WDPCP: variants seen among roughly 807,000 people sequenced by gnomAD.
The protein encoded by WDPCP is WD repeat containing planar cell polarity effector, also known as WD repeat-containing and planar cell polarity effector protein fritz homolog.
In WDPCP, 71 loss-of-function variants were observed where a neutral mutation model predicts 93.1. That is an observed-to-expected ratio of 0.76 (90% CI 0.63 to 0.93). The LOEUF is 0.93. Ranked by LOEUF, WDPCP falls within the 40% of genes least tolerant of loss-of-function variation. The pLI, the probability that WDPCP is intolerant of heterozygous loss-of-function variation, is 0.00. For missense variants in WDPCP, 844 were observed against 887.4 expected, an observed-to-expected ratio of 0.95 and a Z score of 0.62; for synonymous variants, 315 against 315.0, an observed-to-expected ratio of 1.00 and a Z score of 0.00.
intron 13 of WDPCP, among the ~76,000 whole-genome samples, chr2:63,269,722 T>A (rs770265616): frequency 6.6e-6 from 1 of 152,188 alleles, no homozygotes; most frequent in African/African-American, 2.4e-5. Context: ...AACAAAGACA[T>A]GCAACAGCTT....
chr2:63,250,977 C>T (rs1213211365), intron 14 of WDPCP, among the ~76,000 whole-genome samples: 2 of 152,044 alleles, frequency 1.3e-5, no homozygotes, highest in Admixed American at 6.6e-5. Flanking sequence ...CAAAAAAGAT[C>T]TCTCCAAAGT....
intron 9 of WDPCP, among the ~76,000 whole-genome samples, chr2:63,423,462 T>A (rs1696025095): frequency 6.6e-6 from 1 of 152,208 alleles, no homozygotes; most frequent in Non-Finnish European, 1.5e-5. Context: ...TTTTTCTTCT[T>A]ATGGGAAAAT....
At chr2:63,834,800 C>T in the WDPCP span, among the ~76,000 whole-genome samples, 2 of 152,222 alleles carry the variant, frequency 1.3e-5, no homozygotes, top group Admixed American at 6.5e-5. Context: ...TTGCAGCCAA[C>T]ATGGAGCTCC....
chr2:63,589,024 T>C, upstream of WDPCP: 2 of 1,614,240 alleles, frequency 1.2e-6, no homozygotes, highest in Non-Finnish European at 1.7e-6. Context: ...TTGTTGAAAT[T>C]GTCCCCGCAG....
At chr2:63,468,594 C>G (rs1699501493) in intron 6 of WDPCP, among the ~76,000 whole-genome samples, 1 of 152,084 alleles carries the variant, frequency 6.6e-6, no homozygotes, top group South Asian at 2.1e-4. Context: ...ACTAGTTAAC[C>G]AAATAGGGCT....
intron 12 of WDPCP, among the ~76,000 whole-genome samples, chr2:63,341,236 C>A (rs1326953985): frequency 6.6e-6 from 1 of 152,182 alleles, no homozygotes; most frequent in Non-Finnish European, 1.5e-5. Flanking sequence ...TCAAGTGATT[C>A]TCCTGCCTCA....
intron 2 of WDPCP, among the ~76,000 whole-genome samples, chr2:63,779,906 C>CT (rs975210075): frequency 2.0e-5 from 3 of 152,124 alleles, no homozygotes; most frequent in Non-Finnish European, 4.4e-5. Flanking sequence ...ACTTTCATTT[C>CT]TTTTTCCAAA....
At chr2:63,822,106 C>T (rs750087322) in intron 1 of WDPCP, among the ~76,000 whole-genome samples, 3 of 151,782 alleles carry the variant, frequency 2.0e-5, no homozygotes, top group Admixed American at 1.3e-4. Context: ...ATAGTTACTC[C>T]CAGTTTTTTA....
chr2:63,378,482 A>G lies in WDPCP; in HGVS notation c.1652T>C (p.Phe551Ser), dbSNP rs1333720503. ...EAQLETSLGTFYAPTRPLLDS... is the reference protein window; with the variant it reads ...EAQLETSLGTSYAPTRPLLDS... ...CAGAAGTGGTCTTGTTGGAGCATAGAAGGTTCCAAGGCTTGTCTCAAGCTG... is the reference window on the plus strand; with the variant it reads ...CAGAAGTGGTCTTGTTGGAGCATAGGAGGTTCCAAGGCTTGTCTCAAGCTG... The change falls in exon 12 of 18, where the codon TTC (phenylalanine) becomes TCC (serine). Residue 551 changes from phenylalanine to serine, a missense_variant. Transcript: ENST00000272321. 1 of 1,613,130 alleles carries G rather than the reference A, an allele frequency of 6.2e-7. No homozygotes were observed. The highest frequency in any genetic ancestry group is 8.5e-7 in the Non-Finnish European group (1 of 1,179,430).
intron 1 of WDPCP, among the ~76,000 whole-genome samples, chr2:63,554,052 C>G (rs1191223918): frequency 1.3e-5 from 2 of 152,150 alleles, no homozygotes; most frequent in Non-Finnish European, 2.9e-5. Flanking sequence ...AGACCAAATG[C>G]CAGTTTCACC....
chr2:63,508,157 G>C (rs1702001522), intron 1 of WDPCP, among the ~76,000 whole-genome samples: 1 of 152,032 alleles, frequency 6.6e-6, no homozygotes, highest in Non-Finnish European at 1.5e-5. Flanking sequence ...GTTGAAATGA[G>C]GGAAAAAACG....
intron 12 of WDPCP, among the ~76,000 whole-genome samples, chr2:63,375,182 C>A (rs1365546568): frequency 6.6e-6 from 1 of 151,994 alleles, no homozygotes; most frequent in African/African-American, 2.4e-5. Flanking sequence ...CCTTTCATTT[C>A]ATCAATATTT....
intron 9 of WDPCP, among the ~76,000 whole-genome samples, chr2:63,411,878 C>T (rs548555177): frequency 1.1e-4 from 17 of 152,080 alleles, no homozygotes; most frequent in Middle Eastern, 6.8e-3. Flanking sequence ...GAGATTGAAA[C>T]GGTAATTTAA....
intron 2 of WDPCP, among the ~76,000 whole-genome samples, chr2:63,744,717 G>A (rs1669770388): frequency 6.6e-6 from 1 of 151,980 alleles, no homozygotes; most frequent in Non-Finnish European, 1.5e-5. Flanking sequence ...GAAGTCTTCT[G>A]TATGAGTCTG....
intron 10 of WDPCP, among the ~76,000 whole-genome samples, chr2:63,401,774 C>A (rs974932352): frequency 2.0e-5 from 3 of 152,130 alleles, no homozygotes; most frequent in Non-Finnish European, 2.9e-5. Context: ...CACTGCACTC[C>A]AGCCTGGGTG....
the WDPCP span, among the ~76,000 whole-genome samples, chr2:63,834,335 C>A: frequency 6.6e-6 from 1 of 152,200 alleles, no homozygotes; most frequent in Non-Finnish European, 1.5e-5. Flanking sequence ...AAGTTGCTGA[C>A]CTCTTAACAT....
At chr2:63,299,626 CT>C (rs916586416) in intron 13 of WDPCP, among the ~76,000 whole-genome samples, 2 of 152,148 alleles carry the variant, frequency 1.3e-5, no homozygotes, top group Non-Finnish European at 2.9e-5. Flanking sequence ...TTCAGCCAAC[CT>C]GCTGTGAGGT....
chr2:63,216,866 C>G lies in WDPCP; in HGVS notation c.1916-42034G>C, dbSNP rs367950045. On this transcript the variant is annotated intron_variant, in intron 14 of 17. Transcript: ENST00000272321. ...GAAAACTGATGTTTTCTACTAAGGA[C>G]TACTATAATGAAAATGTGGTCTAAA... Among the ~76,000 whole-genome samples the G allele has an allele frequency of 1.4e-4, 21 of 152,106 alleles. No homozygotes were observed. In the East Asian group the frequency reaches 1.9e-3, roughly 14 times the overall value.
At chr2:63,820,684 CA>C (rs879881040) in intron 1 of WDPCP, among the ~76,000 whole-genome samples, 1 of 151,870 alleles carries the variant, frequency 6.6e-6, no homozygotes, top group African/African-American at 2.4e-5. Flanking sequence ...TTGGTCTCTG[CA>C]AAAAAACGTG....
Sources: gnomAD v4.1 joint callset for allele counts (sites outside exome capture counted in the v4.1 genomes callset) on GRCh38, gnomAD v4.1.1 for gene constraint, MANE v1.5 for transcripts, NCBI Gene and HGNC (gene_info 2026-07-23, HGNC 2026-07-21) for gene names.